GAS2: variants seen among roughly 807,000 people sequenced by gnomAD.
GAS2 encodes the protein growth arrest-specific protein 2.
Under a neutral mutation model 37.5 loss-of-function variants are expected in GAS2, and 20 were observed. That is an observed-to-expected ratio of 0.53 (90% CI 0.37 to 0.77). The LOEUF (loss-of-function observed/expected upper bound fraction) is 0.77, where lower values mean the gene tolerates loss of function less well. GAS2 is among the 30% of genes least tolerant of loss of function. GAS2 has a pLI of 0.00. For missense variants in GAS2, 336 were observed against 373.4 expected, an observed-to-expected ratio of 0.90 and a Z score of 0.82; for synonymous variants, 144 against 132.2, an observed-to-expected ratio of 1.09 and a Z score of -0.61.
chr11:22,720,200 C>T (rs946871616), intron 3 of GAS2, among the ~76,000 whole-genome samples: 2 of 152,016 alleles, frequency 1.3e-5, no homozygotes, highest in Non-Finnish European at 2.9e-5. Flanking sequence ...TATGGCATTA[C>T]AGCATGAATA....
In GAS2 at chr11:22,755,890, G is replaced by C. The variant is rs754477113; in HGVS notation, c.660G>C (p.Lys220Asn). The change falls in exon 7 of 8, where the codon AAG (lysine) becomes AAC (asparagine). Residue 220 changes from lysine (K) to asparagine (N), a missense_variant. Lys to Asn is a moderately conservative substitution (Grantham distance 94). Transcript: ENST00000454584. ...ATCCTCCTTGCAAATGCCCAAACAAGTTCTGTGTGGAGCGGCTCTCCCAAG... is the reference window on the plus strand; with the variant it reads ...ATCCTCCTTGCAAATGCCCAAACAACTTCTGTGTGGAGCGGCTCTCCCAAG... The part of the protein sequence containing the change: ...SEDPPCKCPN[K>N]FCVERLSQGR... The C allele has an allele frequency of 1.2e-6, 2 of 1,613,054 alleles. No homozygotes were observed. The highest frequency in any genetic ancestry group is 3.3e-5 in the Admixed American group (2 of 59,924).
chr11:22,764,254 C>CT (rs1431742591), intron 7 of GAS2, among the ~76,000 whole-genome samples: 1 of 152,078 alleles, frequency 6.6e-6, no homozygotes, highest in African/African-American at 2.4e-5. Flanking sequence ...TTTGACACCA[C>CT]TTTTTTTAAA....
rs904936480 is a variant in GAS2, at chr11:22,812,568, C to G, written c.*552C>G. ...AGGCCACTTCCGAAAAGTTTACATT[C>G]ACTTGGAAGGCTGCCTTAAAGTATA... On this transcript the variant is annotated 3_prime_UTR_variant, in exon 8 of 8. Transcript: ENST00000454584. 1.3e-5 allele frequency: 2 copies of G among 152,822 alleles called. No homozygotes were observed. Among genetic ancestry groups the G allele is most frequent in the South Asian group, 2.1e-4 (1 of 4,838 alleles). The allele number at this position is 152,822 out of a possible 1,614,324, so 9.5% of individuals were successfully genotyped here. A position where few individuals can be genotyped will look rare whatever the true frequency, so the allele number is the denominator to read the frequency against.
intron 3 of GAS2, among the ~76,000 whole-genome samples, chr11:22,698,286 C>T (rs1850645910): frequency 6.6e-6 from 1 of 152,140 alleles, no homozygotes; most frequent in Non-Finnish European, 1.5e-5. Flanking sequence ...GGATAAATTC[C>T]TCAACACAGT....
intron 5 of GAS2, among the ~76,000 whole-genome samples, chr11:22,739,572 C>CAAAAAAAAAAAAAA (rs71037525): frequency 1.5e-5 from 1 of 64,650 alleles, no homozygotes; most frequent in Non-Finnish European, 3.0e-5. Flanking sequence ...GATTCGCTCT[C>CAAAAAAAAAAAAAA]AAAAAAAAAA....
intron 7 of GAS2, among the ~76,000 whole-genome samples, chr11:22,770,421 A>T (rs979286362): frequency 7.9e-5 from 12 of 152,180 alleles, no homozygotes; most frequent in African/African-American, 2.9e-4. Flanking sequence ...TTGAGAGGGA[A>T]CTCAGAACAA....
chr11:22,808,999 G>A (rs1222850177), intron 7 of GAS2, among the ~76,000 whole-genome samples: 1 of 152,154 alleles, frequency 6.6e-6, no homozygotes, highest in Non-Finnish European at 1.5e-5. Context: ...TCTGGCTCCA[G>A]TCCAACCTGA....
At chr11:22,708,144 C>A (rs937169132) in intron 3 of GAS2, among the ~76,000 whole-genome samples, 7 of 152,020 alleles carry the variant, frequency 4.6e-5, no homozygotes, top group African/African-American at 1.7e-4. Flanking sequence ...ATAATTTTTA[C>A]AATTTGAGAC....
chr11:22,757,729 C>G (rs896417037), intron 7 of GAS2, among the ~76,000 whole-genome samples: 2 of 152,056 alleles, frequency 1.3e-5, no homozygotes, highest in East Asian at 3.9e-4. Flanking sequence ...TAATTTTTAG[C>G]AAAGATAAAT....
chr11:22,808,317 A>G (rs1856991443), intron 7 of GAS2, among the ~76,000 whole-genome samples: 1 of 152,226 alleles, frequency 6.6e-6, no homozygotes. Context: ...AAGTAAACCT[A>G]GATACATTGT....
chr11:22,688,295 G>T (rs1032409632), intron 3 of GAS2: 2 of 152,050 alleles, frequency 1.3e-5, no homozygotes, highest in African/African-American at 2.4e-5. Flanking sequence ...TTACGTGAAA[G>T]ATAAGAGACC....
chr11:22,809,730 G>A lies in GAS2; in HGVS notation c.724-2068G>A, dbSNP rs1044336637. Among the ~76,000 whole-genome samples, 4 of 151,324 alleles carry A rather than the reference G, an allele frequency of 2.6e-5. No homozygotes were observed. In the East Asian group the frequency reaches 5.8e-4, roughly 22 times the overall value. ...GATGGTCTCAAACTCCTGACCTCAG[G>A]TGATCCACCCACCTCGGCCTCCCAA... On this transcript the variant is annotated intron_variant, in intron 7 of 7. Coordinates refer to ENST00000454584, the MANE Select transcript of GAS2 (RefSeq NM_001143830.3).
intron 1 of GAS2, among the ~76,000 whole-genome samples, chr11:22,644,429 G>A (rs1318881546): frequency 6.6e-6 from 1 of 152,038 alleles, no homozygotes; most frequent in Admixed American, 6.6e-5. Context: ...TATAAAGGGA[G>A]GCTTTACAGA....
chr11:22,724,643 G>A (rs746148575), intron 3 of GAS2, among the ~76,000 whole-genome samples: 3 of 151,964 alleles, frequency 2.0e-5, no homozygotes, highest in Non-Finnish European at 4.4e-5. Flanking sequence ...AAATATTTCT[G>A]TATAGAGTAA....
chr11:22,662,506 G>T (rs394734), upstream of GAS2, among the ~76,000 whole-genome samples: 1 of 152,146 alleles, frequency 6.6e-6, no homozygotes, highest in Non-Finnish European at 1.5e-5. Flanking sequence ...TGCCAGAGAT[G>T]TAGTGGTGGA....
intron 2 of GAS2, among the ~76,000 whole-genome samples, chr11:22,681,269 A>G (rs1056919007): frequency 6.6e-6 from 1 of 151,508 alleles, no homozygotes; most frequent in Non-Finnish European, 1.5e-5. Context: ...ATGTGTATGC[A>G]TGTTGATTAT....
At chr11:22,682,888 G>GAAAAAAAAAAAAAAAAAAAAAAAAGA (rs57025584) in intron 2 of GAS2, among the ~76,000 whole-genome samples, 3 of 102,348 alleles carry the variant, frequency 2.9e-5, no homozygotes, top group Non-Finnish European at 6.1e-5. Flanking sequence ...AAAAAAAAAG[G>GAAAAAAAAAAAAAAAAAAAAAAAAGA]AAAAAAAAAA....
At chr11:22,765,813 A>G (rs1854661046) in intron 7 of GAS2, among the ~76,000 whole-genome samples, 1 of 151,938 alleles carries the variant, frequency 6.6e-6, no homozygotes, top group Non-Finnish European at 1.5e-5. Flanking sequence ...GAGATTGAGT[A>G]ATTATAAAGA....
At chr11:22,631,746 T>TA (rs1181686134) in intron 1 of GAS2, among the ~76,000 whole-genome samples, 1 of 152,004 alleles carries the variant, frequency 6.6e-6, no homozygotes, top group Non-Finnish European at 1.5e-5. Context: ...ATTTTTTTTT[T>TA]ATCTGTTCAT....
Sources: gnomAD v4.1 joint callset for allele counts (sites outside exome capture counted in the v4.1 genomes callset) on GRCh38, gnomAD v4.1.1 for gene constraint, MANE v1.5 for transcripts, NCBI Gene and HGNC (gene_info 2026-07-23, HGNC 2026-07-21) for gene names.